ITGBL1: variants seen among roughly 807,000 people sequenced by gnomAD.
ITGBL1 encodes integrin subunit beta like 1.
ITGBL1 carries 51 observed loss-of-function variants against 68.5 expected under a neutral mutation model. That is an observed-to-expected ratio of 0.74 (90% CI 0.59 to 0.94). The LOEUF is 0.94. Ranked by LOEUF, ITGBL1 falls within the 40% of genes least tolerant of loss-of-function variation. The pLI, the probability that ITGBL1 is intolerant of heterozygous loss-of-function variation, is 0.00. For missense variants in ITGBL1, 649 were observed against 647.4 expected (o/e 1.00, Z -0.03); for synonymous variants, 209 against 227.3 (o/e 0.92, Z 0.72).
In ITGBL1 at chr13:101,452,705, G is replaced by A. The variant is rs2048181123; in HGVS notation, c.-129G>A. On this transcript the variant is annotated 5_prime_UTR_variant, in exon 1 of 11. Transcript: ENST00000376180. ...CAACTCCGGCTGGAGCCCCGGACCT[G>A]CAAGCCTGGGTGTCCGTGGGTCCGT... 1 of 716,356 alleles carries A rather than the reference G, an allele frequency of 1.4e-6. No individual in the cohort carries two copies. Among genetic ancestry groups the A allele is most frequent in the Admixed American group, 2.2e-5 (1 of 45,500 alleles). 44.4% of individuals were successfully genotyped at this position (716,356 alleles called of 1,614,324 possible).
intron 7 of ITGBL1, among the ~76,000 whole-genome samples, chr13:101,623,222 A>G (rs531354345): frequency 6.6e-6 from 1 of 152,170 alleles, no homozygotes; most frequent in South Asian, 2.1e-4. Context: ...ATGCAATCCG[A>G]GGTTTATAAT....
At chr13:101,666,425 C>G (rs553635464) in intron 7 of ITGBL1, among the ~76,000 whole-genome samples, 2 of 152,180 alleles carry the variant, frequency 1.3e-5, no homozygotes, top group African/African-American at 4.8e-5. Context: ...CCTGTCTTCT[C>G]TGGCAAGTTC....
chr13:101,565,223 G>A (rs1357605226), intron 2 of ITGBL1, among the ~76,000 whole-genome samples: 3 of 152,026 alleles, frequency 2.0e-5, no homozygotes, highest in African/African-American at 4.8e-5. Flanking sequence ...ACACTGTAAT[G>A]GAGATTACCT....
At chr13:101,654,771 T>C (rs9554816) in intron 7 of ITGBL1, among the ~76,000 whole-genome samples, 16,770 of 152,088 alleles carry the variant, frequency 0.11, 1,181 homozygotes, top group Admixed American at 0.19. Context: ...TGTAAAGCTC[T>C]GGGCCTGGAT....
intron 2 of ITGBL1, among the ~76,000 whole-genome samples, chr13:101,454,404 C>T (rs1324329636): frequency 0.024 from 76 of 3,178 alleles, 1 homozygote; most frequent in African/African-American, 0.076. Flanking sequence ...GCTGGTCCCC[C>T]CCCCCCCCCC....
chr13:101,702,186 C>T (rs1241333330), intron 8 of ITGBL1, among the ~76,000 whole-genome samples: 1 of 152,028 alleles, frequency 6.6e-6, no homozygotes. Flanking sequence ...TTTTAATGTC[C>T]ATAAGGTAAG....
intron 6 of ITGBL1, among the ~76,000 whole-genome samples, chr13:101,596,338 C>T (rs1024080640): frequency 3.9e-5 from 6 of 152,082 alleles, no homozygotes; most frequent in East Asian, 1.9e-4. Flanking sequence ...AAGATGAATA[C>T]GTTCTGGAGA....
intron 2 of ITGBL1, among the ~76,000 whole-genome samples, chr13:101,474,083 T>C (rs916522989): frequency 2.0e-5 from 3 of 152,156 alleles, no homozygotes; most frequent in Non-Finnish European, 4.4e-5. Context: ...AAGGGGACTT[T>C]GTCTTACAGC....
Position 101,598,202 on chromosome 13 carries a change from T to C in ITGBL1, c.918T>C (p.Tyr306=). 6.2e-7 allele frequency: 1 copy of C among 1,613,754 alleles called. No homozygotes were observed. Residue 306 remains tyrosine, a synonymous_variant, in exon 7 of 11, where the codon TAT becomes TAC. Transcript: ENST00000376180. ...CGRCDCKAGW[Y]GKKCEHPQSC... ...GATGTGACTGCAAAGCAGGCTGGTA[T>C]GGGAAGAAGTGTGAGCACCCACAGT...
intron 2 of ITGBL1, among the ~76,000 whole-genome samples, chr13:101,494,224 G>T (rs754799134): frequency 6.6e-6 from 1 of 152,154 alleles, no homozygotes; most frequent in African/African-American, 2.4e-5. Flanking sequence ...GAAACTCAGA[G>T]CAATTATGCG....
In ITGBL1 at chr13:101,537,432, C is replaced by T. The variant is rs2049598960; in HGVS notation, c.317-30267C>T. 2.6e-5 allele frequency among the ~76,000 whole-genome samples: 4 copies of T among 151,908 alleles called. No homozygotes were observed. The South Asian group carries it at 8.3e-4, about 31-fold the overall frequency. ...AAAAATATAACATTTCAAAGGAAGG[C>T]TTTGAACTCAGTCATGAAGTCTGAT... is the stretch of plus-strand genomic sequence containing the variant. On this transcript the variant is annotated intron_variant, in intron 2 of 10. Coordinates refer to ENST00000376180, the MANE Select transcript of ITGBL1 (RefSeq NM_004791.3).
intron 2 of ITGBL1, among the ~76,000 whole-genome samples, chr13:101,521,255 C>T (rs568919327): frequency 6.6e-6 from 1 of 152,224 alleles, no homozygotes; most frequent in African/African-American, 2.4e-5. Context: ...TTTCTAGAAG[C>T]AAGGGACATA....
intron 9 of ITGBL1, among the ~76,000 whole-genome samples, chr13:101,709,725 T>C (rs1280710270): frequency 1.3e-5 from 2 of 152,182 alleles, no homozygotes; most frequent in African/African-American, 4.8e-5. Context: ...AGTCAACTAT[T>C]GTTTGTGTTT....
intron 6 of ITGBL1, among the ~76,000 whole-genome samples, chr13:101,590,602 A>G (rs2050634992): frequency 6.6e-6 from 1 of 152,098 alleles, no homozygotes; most frequent in African/African-American, 2.4e-5. Flanking sequence ...TTTCAATGTT[A>G]TTGTTAAAGT....
At chr13:101,612,495 T>C (rs1278273167) in intron 7 of ITGBL1, among the ~76,000 whole-genome samples, 1 of 152,110 alleles carries the variant, frequency 6.6e-6, no homozygotes, top group Non-Finnish European at 1.5e-5. Flanking sequence ...TGGTTAATGA[T>C]ACTGTTGAAT....
intron 7 of ITGBL1, among the ~76,000 whole-genome samples, chr13:101,657,963 G>T (rs985012396): frequency 1.3e-5 from 2 of 152,144 alleles, no homozygotes; most frequent in Non-Finnish European, 2.9e-5. Context: ...AATTTTAAAA[G>T]ACTTCTGTAG....
intron 2 of ITGBL1, among the ~76,000 whole-genome samples, chr13:101,526,230 CAT>C (rs2049376759): frequency 6.7e-6 from 1 of 149,968 alleles, no homozygotes; most frequent in African/African-American, 2.5e-5. Context: ...TAGGTATACA[CAT>C]GTCGTGGTGG....
At chr13:101,527,452 C>T (rs1243988986) in intron 2 of ITGBL1, among the ~76,000 whole-genome samples, 1 of 152,036 alleles carries the variant, frequency 6.6e-6, no homozygotes, top group Non-Finnish European at 1.5e-5. Flanking sequence ...ATCACTATTT[C>T]CTTCACCATT....
rs893995199 is a variant in ITGBL1 at position 101,590,538 on chromosome 13, A to G, written c.868+7182A>G. On this transcript the variant is annotated intron_variant, in intron 6 of 10. Transcript: ENST00000376180. Reference sequence around the variant, plus strand: ...GGCTAGATGTATTGTTCTAACCTTCACAGCCATTAAACTTTCAAGAGTGGA... The same window carrying G: ...GGCTAGATGTATTGTTCTAACCTTCGCAGCCATTAAACTTTCAAGAGTGGA... Among the ~76,000 whole-genome samples, 11 of 152,206 alleles carry G rather than the reference A, an allele frequency of 7.2e-5. No individual in the cohort carries two copies. The South Asian group carries it at 2.3e-3, about 32-fold the overall frequency.
Sources: gnomAD v4.1 joint callset for allele counts (sites outside exome capture counted in the v4.1 genomes callset) on GRCh38, gnomAD v4.1.1 for gene constraint, MANE v1.5 for transcripts, NCBI Gene and HGNC (gene_info 2026-07-23, HGNC 2026-07-21) for gene names.